Variants in MYO10 observed in about 807,000 individuals in gnomAD.
MYO10 encodes the protein unconventional myosin-X.
In MYO10, 133 loss-of-function variants were observed where a neutral mutation model predicts 257.3. The ratio of observed to expected loss-of-function variants is 0.52; its 90% CI spans 0.45 to 0.60. MYO10 has a LOEUF of 0.60. Among genes scored for constraint, MYO10 ranks in the 20% least tolerant of loss-of-function variants. MYO10 has a pLI of 0.00. For missense variants in MYO10, 2,399 were observed against 2,635.7 expected, an observed-to-expected ratio of 0.91 and a Z score of 1.97; for synonymous variants, 1,104 against 1,028.6, an observed-to-expected ratio of 1.07 and a Z score of -1.40.
At chr5:16,721,144 C>A (rs1357300947) in intron 19 of MYO10, among the ~76,000 whole-genome samples, 1 of 152,156 alleles carries the variant, frequency 6.6e-6, no homozygotes, top group Non-Finnish European at 1.5e-5. Context: ...AAGACAATTA[C>A]GCTACATAAC....
At chr5:16,932,878 TCA>T (rs770100703) in intron 1 of MYO10, among the ~76,000 whole-genome samples, 5 of 152,186 alleles carry the variant, frequency 3.3e-5, no homozygotes, top group African/African-American at 4.8e-5. Flanking sequence ...CCTCCTGGGC[TCA>T]CCTCAGCCTC....
intron 1 of MYO10, among the ~76,000 whole-genome samples, chr5:16,933,194 C>T (rs1291599446): frequency 1.3e-5 from 2 of 152,230 alleles, no homozygotes; most frequent in African/African-American, 4.8e-5. Flanking sequence ...CCCTGTCATT[C>T]AGCAATGTCT....
At chr5:16,686,150 A>AT (rs1048143915) in intron 28 of MYO10, among the ~76,000 whole-genome samples, 2 of 136,210 alleles carry the variant, frequency 1.5e-5, no homozygotes, top group African/African-American at 2.6e-5. Flanking sequence ...ACAGCAAATA[A>AT]TAAATCCTCA....
intron 11 of MYO10, among the ~76,000 whole-genome samples, chr5:16,764,779 C>T (rs936983502): frequency 1.3e-5 from 2 of 152,092 alleles, no homozygotes; most frequent in African/African-American, 2.4e-5. Context: ...ACCTCCACCT[C>T]CCAGGTTCAA....
At chr5:16,811,592 C>G (rs1742442600) in intron 3 of MYO10, among the ~76,000 whole-genome samples, 1 of 152,144 alleles carries the variant, frequency 6.6e-6, no homozygotes, top group Non-Finnish European at 1.5e-5. Flanking sequence ...CTCTGTTGCC[C>G]AGGCTGGAGT....
At chr5:16,848,031 C>A (rs2126732924) in intron 2 of MYO10, among the ~76,000 whole-genome samples, 1 of 152,144 alleles carries the variant, frequency 6.6e-6, no homozygotes, top group East Asian at 1.9e-4. Flanking sequence ...AAACAGCAAC[C>A]ACAAAAAAGG....
chr5:16,735,213 A>G (rs1739741296), intron 19 of MYO10, among the ~76,000 whole-genome samples: 1 of 152,244 alleles, frequency 6.6e-6, no homozygotes. Context: ...TTCACTGAGC[A>G]AACAGCAACA....
At chr5:16,804,201 T>G (rs1742203706) in intron 3 of MYO10, among the ~76,000 whole-genome samples, 2 of 152,224 alleles carry the variant, frequency 1.3e-5, no homozygotes, top group Admixed American at 1.3e-4. Context: ...TTGTCCCGTG[T>G]GTTCCACTTT....
chr5:16,878,098 T>A (rs887296476), intron 1 of MYO10, among the ~76,000 whole-genome samples: 1 of 152,110 alleles, frequency 6.6e-6, no homozygotes, highest in Non-Finnish European at 1.5e-5. Flanking sequence ...ACTGAGCGAG[T>A]GCATGACAGG....
At chr5:16,796,406 AGAAAG>A (rs1438378963) in intron 3 of MYO10, among the ~76,000 whole-genome samples, 2 of 146,622 alleles carry the variant, frequency 1.4e-5, no homozygotes, top group Non-Finnish European at 3.0e-5. Context: ...CAAAAGAAAA[AGAAAG>A]GAAAGAAAGG....
Position 16,676,200 on chromosome 5 carries a change from C to T in MYO10, c.4543-46G>A, listed in dbSNP as rs79180133. On this transcript the variant is annotated intron_variant, in intron 33 of 40. Coordinates refer to ENST00000513610, the MANE Select transcript of MYO10 (RefSeq NM_012334.3). ...CTTATTGTAAGAAACCTGTATTTTC[C>T]TACATATAAATATTTTTCAAGACTC... 13,182 of 1,598,732 alleles carry T rather than the reference C, an allele frequency of 8.2e-3. 907 individuals are homozygous for T. In the African/African-American group the frequency reaches 0.15, roughly 19 times the overall value.
chr5:16,843,632 ATCAGC>A (rs1166178118), intron 2 of MYO10, among the ~76,000 whole-genome samples: 1 of 152,200 alleles, frequency 6.6e-6, no homozygotes, highest in Non-Finnish European at 1.5e-5. Context: ...CTAACTTTCT[ATCAGC>A]AAGCACTCTT....
rs778899672 is a variant in MYO10 at position 16,701,520 on chromosome 5, G to A, written c.2875C>T (p.Arg959Trp). 2.2e-5 allele frequency: 36 copies of A among 1,613,948 alleles called. No homozygotes were observed. The highest frequency in any genetic ancestry group is 3.1e-5 in the Non-Finnish European group (36 of 1,179,896). ...AATTCGCTTCCCACCGACAGGGACC[G>A]CTCGATATTCCGGACACACTCGTCG... ...EIDECVRNIE[R>W]SLSVGSEFSS... Residue 959 changes from arginine to tryptophan, a missense_variant, in exon 25 of 41, where the codon CGG becomes TGG. Around this residue, in one of 3 missense-constraint regions of MYO10, gnomAD observed 1,820 missense variants for 1,939.4 expected, o/e 0.94. Coordinates refer to ENST00000513610, the MANE Select transcript of MYO10 (RefSeq NM_012334.3). This position sits in a 1 kb window ranked among gnomAD's most constrained non-coding sequence, Gnocchi z 8.1.
chr5:16,742,144 T>TA lies in MYO10; in HGVS notation c.1929+12683_1929+12684insT, dbSNP rs201165770. 3,778 of 985,266 alleles carry TA rather than the reference T, an allele frequency of 3.8e-3. 83 individuals carry two copies. The African/African-American group carries it at 0.049, about 13-fold the overall frequency. 61.0% of individuals were successfully genotyped at this position (985,266 alleles called of 1,614,324 possible). A position where few individuals can be genotyped will look rare whatever the true frequency, so the allele number is the denominator to read the frequency against. The stretch of plus-strand genomic sequence containing the variant: ...TTAAAAGCCAATCAATAATTTTTTT[T>TA]TAAAAAAAGTCCCAGGACAAAATCA... On this transcript the variant is annotated intron_variant, in intron 19 of 40. Coordinates refer to ENST00000513610, the MANE Select transcript of MYO10 (RefSeq NM_012334.3).
intron 1 of MYO10, among the ~76,000 whole-genome samples, chr5:16,886,516 G>A (rs563635365): frequency 6.6e-6 from 1 of 152,292 alleles, no homozygotes; most frequent in African/African-American, 2.4e-5. Flanking sequence ...CCCCAGACTG[G>A]CCTATTGCTG....
intron 3 of MYO10, among the ~76,000 whole-genome samples, chr5:16,809,449 C>A (rs554178272): frequency 6.6e-6 from 1 of 152,388 alleles, no homozygotes; most frequent in South Asian, 2.1e-4. Flanking sequence ...GATTCCCAAA[C>A]AGTCCAGTCC....
intron 2 of MYO10, among the ~76,000 whole-genome samples, chr5:16,853,739 C>A (rs566467584): frequency 6.6e-6 from 1 of 152,314 alleles, no homozygotes; most frequent in South Asian, 2.1e-4. Context: ...GCTATCATCT[C>A]TCCCGTCCAG....
At chr5:16,672,074 C>A (rs1736491900) in intron 37 of MYO10, among the ~76,000 whole-genome samples, 1 of 152,152 alleles carries the variant, frequency 6.6e-6, no homozygotes, top group Non-Finnish European at 1.5e-5. Flanking sequence ...GTGGGCGGAT[C>A]ACCTGAGGTC....
intron 25 of MYO10, 31 bp downstream of exon 25, chr5:16,700,931 AT>A (rs1579855742): frequency 6.6e-7 from 1 of 1,514,676 alleles, no homozygotes; most frequent in East Asian, 2.5e-5. Context: ...CCGGCCACCC[AT>A]TTCACTGGGA....
Sources: allele counts gnomAD v4.1 joint callset (sites outside exome capture counted in the v4.1 genomes callset), GRCh38; gene constraint gnomAD v4.1.1; regional missense constraint gnomAD v4.1.1; non-coding constraint Gnocchi (gnomAD v3.1); transcripts MANE v1.5; gene names NCBI Gene and HGNC (gene_info 2026-07-23, HGNC 2026-07-21).